MCTP1: variants seen among roughly 807,000 people sequenced by gnomAD.
MCTP1 encodes multiple C2 and transmembrane domain-containing protein 1.
MCTP1 carries 69 observed loss-of-function variants against 120.6 expected under a neutral mutation model. That is an observed-to-expected ratio of 0.57 (90% CI 0.47 to 0.70). The LOEUF (loss-of-function observed/expected upper bound fraction) is 0.70. MCTP1 is among the 30% of genes least tolerant of loss of function. The pLI, the probability that MCTP1 is intolerant of heterozygous loss-of-function variation, is 0.00. For synonymous variants in MCTP1, 529 were observed against 493.1 expected (o/e 1.07, Z -0.96); for missense variants, 1,203 against 1,248.8 (o/e 0.96, Z 0.55).
chr5:95,015,978 C>A (rs752671281), intron 2 of MCTP1, among the ~76,000 whole-genome samples: 1 of 152,010 alleles, frequency 6.6e-6, no homozygotes, highest in Non-Finnish European at 1.5e-5. Flanking sequence ...AAGTTGTATA[C>A]GCTGTAAATA....
At position 94,865,009 on chromosome 5, in the gene MCTP1, C is replaced by T. The variant is rs77758678; in HGVS notation, c.2436+3324G>A. ...AAGACGAGCAGTGCCTTCTGCACCA[C>T]ACATGTCTGTGTTCATTCTTAGGCA... On this transcript the variant is annotated intron_variant, in intron 17 of 22. Transcript: ENST00000515393. 5.2e-3 allele frequency among the ~76,000 whole-genome samples: 793 copies of T among 152,062 alleles called. 9 individuals are homozygous for T. Among genetic ancestry groups the T allele is most frequent in the African/African-American group, 0.018 (765 of 41,532 alleles).
intron 1 of MCTP1, among the ~76,000 whole-genome samples, chr5:95,176,811 A>G (rs1582449511): frequency 6.6e-6 from 1 of 152,136 alleles, no homozygotes; most frequent in Admixed American, 6.5e-5. Context: ...GTAAGCCAAG[A>G]TTGGGCAACA....
chr5:94,715,069 C>G (rs1360945295), intron 19 of MCTP1, among the ~76,000 whole-genome samples, 183 bp from the exon 20 acceptor site: 2 of 151,834 alleles, frequency 1.3e-5, no homozygotes, highest in Non-Finnish European at 2.9e-5. Flanking sequence ...GGAAGGGGAC[C>G]CAGCATCATG....
intron 1 of MCTP1, among the ~76,000 whole-genome samples, chr5:95,131,542 T>C (rs1358898567): frequency 6.6e-6 from 1 of 152,248 alleles, no homozygotes; most frequent in Non-Finnish European, 1.5e-5. Flanking sequence ...GGTTTTATGA[T>C]ATTAGGTGCA....
At chr5:94,725,477 T>G (rs1346392229) in intron 19 of MCTP1, among the ~76,000 whole-genome samples, 1 of 152,234 alleles carries the variant, frequency 6.6e-6, no homozygotes, top group Admixed American at 6.5e-5. Context: ...TGTGTGTGTT[T>G]CTTAAATCTC....
At chr5:95,023,850 T>G (rs1838680239) in intron 1 of MCTP1, among the ~76,000 whole-genome samples, 1 of 152,226 alleles carries the variant, frequency 6.6e-6, no homozygotes, top group African/African-American at 2.4e-5. Flanking sequence ...CTCTGAAATT[T>G]TAAATATCCT....
chr5:95,167,455 C>G (rs1366669769), intron 1 of MCTP1, among the ~76,000 whole-genome samples: 10 of 152,254 alleles, frequency 6.6e-5, no homozygotes, highest in East Asian at 5.8e-4. Context: ...AATGGTATTT[C>G]TAGTTCTAGA....
At position 94,783,097 on chromosome 5, in the gene MCTP1, G is replaced by A. The variant is rs1580666769; in HGVS notation, c.2557-3934C>T. On this transcript the variant is annotated intron_variant, in intron 18 of 22. Transcript: ENST00000515393. ...TCACAGACTTATGTGCCACACAGTCGAGGAAGGTCTTGAAAGAAACTGATT... is the reference window on the plus strand; with the variant it reads ...TCACAGACTTATGTGCCACACAGTCAAGGAAGGTCTTGAAAGAAACTGATT... Among the ~76,000 whole-genome samples the A allele has an allele frequency of 3.3e-5, 5 of 151,984 alleles. No individual in the cohort carries two copies. In the South Asian group the frequency reaches 1.0e-3, roughly 32 times the overall value.
At chr5:95,079,382 T>C (rs1754369147) in intron 1 of MCTP1, among the ~76,000 whole-genome samples, 1 of 152,152 alleles carries the variant, frequency 6.6e-6, no homozygotes, top group Admixed American at 6.5e-5. Flanking sequence ...CCTCCAAAAC[T>C]AGAGGTTTTC....
chr5:94,728,615 T>C (rs932622311), intron 19 of MCTP1, among the ~76,000 whole-genome samples: 5 of 152,176 alleles, frequency 3.3e-5, no homozygotes, highest in African/African-American at 1.2e-4. Context: ...ATCTACCCAA[T>C]AGGAGTTGAT....
At chr5:94,785,815 G>C (rs140454809) in intron 18 of MCTP1, among the ~76,000 whole-genome samples, 3 of 152,124 alleles carry the variant, frequency 2.0e-5, no homozygotes, top group African/African-American at 7.2e-5. Context: ...CAAGAAAAGG[G>C]AGCTGCTGTG....
rs532997665 is a variant in MCTP1, at chr5:94,839,372, A to C, written c.2436+28961T>G. ...ACCTACTCACCCAGAGTAGGAGGTC[A>C]TTAAGCCAATATGTAGTATTTTCCC... is the stretch of plus-strand genomic sequence containing the variant. On this transcript the variant is annotated intron_variant, in intron 17 of 22. Coordinates refer to ENST00000515393, the MANE Select transcript of MCTP1 (RefSeq NM_024717.7). Among the ~76,000 whole-genome samples, 3 of 152,296 alleles carry C rather than the reference A, an allele frequency of 2.0e-5. No individual in the cohort carries two copies. In the East Asian group the frequency reaches 5.8e-4, roughly 29 times the overall value.
chr5:94,867,482 C>T (rs1235234623), intron 17 of MCTP1: 1 of 733,974 alleles, frequency 1.4e-6, no homozygotes, highest in Non-Finnish European at 2.3e-6. Context: ...TAAGGCTCTT[C>T]TTGTAAGCCC....
At chr5:95,233,321 C>T (rs1476370044) in intron 1 of MCTP1, among the ~76,000 whole-genome samples, 3 of 150,672 alleles carry the variant, frequency 2.0e-5, no homozygotes, top group Non-Finnish European at 4.4e-5. Flanking sequence ...AACTAAATGG[C>T]ATACTTCTTT....
chr5:94,746,096 G>C (rs1051652834), intron 19 of MCTP1, among the ~76,000 whole-genome samples: 8 of 152,172 alleles, frequency 5.3e-5, no homozygotes, highest in African/African-American at 1.9e-4. Flanking sequence ...CCAGCTCTTT[G>C]GCCAGAACTA....
At chr5:95,113,163 GA>G (rs553552116) in intron 1 of MCTP1, among the ~76,000 whole-genome samples, 4 of 151,832 alleles carry the variant, frequency 2.6e-5, no homozygotes, top group African/African-American at 9.7e-5. Flanking sequence ...CAAATACTTT[GA>G]AAAAAACATT....
At chr5:95,275,806 T>C (rs1759780432) in intron 1 of MCTP1, among the ~76,000 whole-genome samples, 1 of 151,896 alleles carries the variant, frequency 6.6e-6, no homozygotes, top group Non-Finnish European at 1.5e-5. Flanking sequence ...ACAGCACATC[T>C]CTGGATGCTA....
chr5:95,179,177 CTA>C (rs1748340490), intron 1 of MCTP1, among the ~76,000 whole-genome samples: 1 of 152,164 alleles, frequency 6.6e-6, no homozygotes, highest in African/African-American at 2.4e-5. Flanking sequence ...AAGTTTGGGA[CTA>C]TGTTAGGCAT....
chr5:94,954,147 CATATATATATGCATATATATACAT>C lies in MCTP1; in HGVS notation c.839-810_839-787del, dbSNP rs1286205515. 6.1e-5 allele frequency among the ~76,000 whole-genome samples: 2 copies of C among 32,524 alleles called. 1 individual carries two copies. The highest frequency in any genetic ancestry group is 1.1e-4 in the Non-Finnish European group (2 of 18,488). 21.3% of individuals were successfully genotyped at this position (32,524 alleles called of 152,430 possible). A position where few individuals can be genotyped will look rare whatever the true frequency, so the allele number is the denominator to read the frequency against. On this transcript the variant is annotated intron_variant, in intron 2 of 22. Transcript: ENST00000515393. Reference sequence around the variant, plus strand: ...ACAAATATATATATGCATATATATACATATATATATGCATATATATACATATATATATATGCATATATATATATA... The same window carrying C: ...ACAAATATATATATGCATATATATACATATATATATGCATATATATATATA...
Sources: gnomAD v4.1 joint callset for allele counts (sites outside exome capture counted in the v4.1 genomes callset) on GRCh38, gnomAD v4.1.1 for gene constraint, MANE v1.5 for transcripts, NCBI Gene and HGNC (gene_info 2026-07-23, HGNC 2026-07-21) for gene names.